The following ZFPM2 variants were observed in gnomAD, a reference collection of about 807,000 sequenced individuals.
The protein encoded by ZFPM2 is zinc finger protein ZFPM2.
Under a neutral mutation model 98.6 loss-of-function variants are expected in ZFPM2, and 20 were observed. That is an observed-to-expected ratio of 0.20 (90% CI 0.14 to 0.29). The LOEUF is 0.29. Ranked by LOEUF, ZFPM2 falls within the 10% of genes least tolerant of loss-of-function variation. ZFPM2 has a pLI of 1.00. For missense variants in ZFPM2, 1,310 were observed against 1,388.6 expected (o/e 0.94, Z 0.90); for synonymous variants, 518 against 502.7 (o/e 1.03, Z -0.41).
intron 5 of ZFPM2, among the ~76,000 whole-genome samples, chr8:105,761,173 A>C (rs564916194): frequency 5.2e-4 from 79 of 152,148 alleles, no homozygotes; most frequent in Non-Finnish European, 8.4e-4. Context: ...ATCTCAGTAC[A>C]CAGATCCAAT....
intron 3 of ZFPM2, among the ~76,000 whole-genome samples, chr8:105,545,250 A>G (rs984652547): frequency 4.6e-5 from 7 of 152,196 alleles, no homozygotes; most frequent in Non-Finnish European, 1.5e-5. Flanking sequence ...CAATTTTCCC[A>G]TCAAGAAATT....
chr8:105,633,009 T>A (rs1816781320), intron 4 of ZFPM2, among the ~76,000 whole-genome samples: 1 of 152,208 alleles, frequency 6.6e-6, no homozygotes. Context: ...AATAAATGGG[T>A]CAGCATTCAT....
At chr8:105,375,506 C>A (rs1490259943) in intron 1 of ZFPM2, among the ~76,000 whole-genome samples, 4 of 152,102 alleles carry the variant, frequency 2.6e-5, no homozygotes, top group African/African-American at 9.7e-5. Flanking sequence ...AAGAGAGAAT[C>A]GCACCTTTCT....
intron 2 of ZFPM2, among the ~76,000 whole-genome samples, chr8:105,439,808 A>G (rs1812199651): frequency 2.6e-5 from 4 of 152,210 alleles, no homozygotes; most frequent in Admixed American, 2.0e-4. Flanking sequence ...ATTCTTTACC[A>G]TTGGGGAGAA....
At chr8:105,477,659 T>G (rs1168766864) in intron 3 of ZFPM2, among the ~76,000 whole-genome samples, 2 of 152,200 alleles carry the variant, frequency 1.3e-5, no homozygotes, top group Non-Finnish European at 2.9e-5. Context: ...GAATAATACC[T>G]AATGATTTTC....
At chr8:105,694,436 T>C (rs1211667232) in intron 5 of ZFPM2, among the ~76,000 whole-genome samples, 1 of 152,192 alleles carries the variant, frequency 6.6e-6, no homozygotes, top group Non-Finnish European at 1.5e-5. Flanking sequence ...GTGGCTAATT[T>C]TTCTTGAATC....
At chr8:105,636,473 C>T (rs1404239510) in intron 5 of ZFPM2, among the ~76,000 whole-genome samples, 1 of 152,078 alleles carries the variant, frequency 6.6e-6, no homozygotes, top group Non-Finnish European at 1.5e-5. Flanking sequence ...ATTGTATGTG[C>T]TTCTCTCATT....
intron 5 of ZFPM2, chr8:105,737,614 C>T (rs1173483488): frequency 6.6e-6 from 1 of 152,390 alleles, no homozygotes; most frequent in African/African-American, 2.4e-5. Flanking sequence ...TTTTCAATCA[C>T]CAGTTGCCTT....
chr8:105,802,318 C>G lies in ZFPM2; in HGVS notation c.2236C>G (p.Leu746Val), dbSNP rs374751661. The part of the protein sequence containing the change: ...RKRRKMYEMC[L>V]PEQEQRPPLV... ...GCGCAGAAAGATGTATGAGATGTGC[C>G]TACCTGAGCAGGAACAAAGGCCTCC... is the stretch of plus-strand genomic sequence containing the variant. Residue 746 changes from leucine to valine, a missense_variant, in exon 8 of 8, where the codon CTA becomes GTA. By Grantham distance (32) the Leu-to-Val change is conservative (BLOSUM62 1). Transcript: ENST00000407775. The G allele has an allele frequency of 1.0e-4, 166 of 1,613,690 alleles. No individual in the cohort carries two copies. Among genetic ancestry groups the G allele is most frequent in the Non-Finnish European group, 1.4e-4 (161 of 1,179,858 alleles).
chr8:105,397,857 GA>G lies in ZFPM2; in HGVS notation c.41-21277del, dbSNP rs201395171. Among the ~76,000 whole-genome samples the G allele has an allele frequency of 2.0e-4, 30 of 148,448 alleles. No individual in the cohort carries two copies. The East Asian group carries it at 2.4e-3, about 12-fold the overall frequency. On this transcript the variant is annotated intron_variant, in intron 1 of 7. Transcript: ENST00000407775. ...CCGGTTGTCAAAGCCCATATAACAG[GA>G]AAAAAAAAATCAGATATGTGCATAT...
chr8:105,496,242 G>A (rs1223546472), intron 3 of ZFPM2, among the ~76,000 whole-genome samples: 1 of 152,104 alleles, frequency 6.6e-6, no homozygotes, highest in Admixed American at 6.6e-5. Context: ...GAATTCCTGA[G>A]CTCAAGCAAT....
chr8:105,484,910 AAC>A, intron 3 of ZFPM2, among the ~76,000 whole-genome samples: 1 of 152,154 alleles, frequency 6.6e-6, no homozygotes, highest in African/African-American at 2.4e-5. Flanking sequence ...TTTTGGTCCC[AAC>A]TTATTAAAGG....
chr8:105,640,201 C>T (rs1432507916), intron 5 of ZFPM2, among the ~76,000 whole-genome samples: 2 of 151,968 alleles, frequency 1.3e-5, no homozygotes, highest in Non-Finnish European at 2.9e-5. Context: ...GACTTCAATT[C>T]CCAATTGTAC....
chr8:105,803,770 A>C lies in ZFPM2; in HGVS notation c.*232A>C, dbSNP rs1814121491. ...ACCAGCAGTATTCATAGCTGTGGTT[A>C]TGTTATTTTTTATTTAAAAACTTTA... On this transcript the variant is annotated 3_prime_UTR_variant, in exon 8 of 8. Coordinates refer to ENST00000407775, the MANE Select transcript of ZFPM2 (RefSeq NM_012082.4). 3 of 359,698 alleles carry C rather than the reference A, an allele frequency of 8.3e-6. No individual in the cohort carries two copies. The highest frequency in any genetic ancestry group is 1.4e-5 in the Non-Finnish European group (3 of 212,940). The allele number at this position is 359,698 out of a possible 1,614,324, so 22.3% of individuals were successfully genotyped here. A position where few individuals can be genotyped will look rare whatever the true frequency, so the allele number is the denominator to read the frequency against.
chr8:105,729,613 A>G (rs1295262295), intron 5 of ZFPM2, among the ~76,000 whole-genome samples: 2 of 151,682 alleles, frequency 1.3e-5, no homozygotes, highest in Non-Finnish European at 2.9e-5. Flanking sequence ...TACATTGCAA[A>G]CAAATCTTTT....
At chr8:105,502,262 A>G (rs770794111) in intron 3 of ZFPM2, among the ~76,000 whole-genome samples, 5 of 152,202 alleles carry the variant, frequency 3.3e-5, no homozygotes, top group African/African-American at 4.8e-5. Flanking sequence ...ATAATATGAT[A>G]GAGTTGATTA....
Position 105,803,821 on chromosome 8 carries a change from G to T in ZFPM2, c.*283G>T, listed in dbSNP as rs1814123419. On this transcript the variant is annotated 3_prime_UTR_variant, in exon 8 of 8. Coordinates refer to ENST00000407775, the MANE Select transcript of ZFPM2 (RefSeq NM_012082.4). ...TATTAAAGTCATTTGTAATGTTATT[G>T]TATAGTTATTGTGTAGCACATATGG... 5.5e-6 allele frequency: 2 copies of T among 364,882 alleles called. No homozygotes were observed. Among genetic ancestry groups the T allele is most frequent in the Admixed American group, 4.2e-5 (1 of 23,600 alleles). The allele number at this position is 364,882 out of a possible 1,614,324, so 22.6% of individuals were successfully genotyped here.
intron 5 of ZFPM2, among the ~76,000 whole-genome samples, chr8:105,730,568 TG>T (rs913045472): frequency 6.6e-6 from 1 of 151,658 alleles, no homozygotes; most frequent in Non-Finnish European, 1.5e-5. Context: ...CTAACCCCAG[TG>T]GTCTCTTTAC....
intron 5 of ZFPM2, among the ~76,000 whole-genome samples, chr8:105,753,278 C>CT (rs897277417): frequency 6.6e-6 from 1 of 152,064 alleles, no homozygotes; most frequent in African/African-American, 2.4e-5. Context: ...GCATGAAAGT[C>CT]TGACTTTTAG....
Sources: gnomAD v4.1 joint callset for allele counts (sites outside exome capture counted in the v4.1 genomes callset) on GRCh38, gnomAD v4.1.1 for gene constraint, MANE v1.5 for transcripts, NCBI Gene and HGNC (gene_info 2026-07-23, HGNC 2026-07-21) for gene names.